PPRC1: variants seen among roughly 807,000 people sequenced by gnomAD.
The protein encoded by PPRC1 is peroxisome proliferator-activated receptor gamma coactivator-related protein 1.
A neutral mutation model predicts 132.5 loss-of-function variants in PPRC1; 23 were observed. The observed-to-expected ratio is 0.17, with a 90% CI of 0.12 to 0.25. The LOEUF (loss-of-function observed/expected upper bound fraction) is 0.25, where lower values mean the gene tolerates loss of function less well. PPRC1 is among the 10% of genes least tolerant of loss of function. The pLI is 1.00. For missense variants in PPRC1, 2,006 were observed against 2,089.1 expected, an observed-to-expected ratio of 0.96 and a Z score of 0.78; for synonymous variants, 872 against 833.5, an observed-to-expected ratio of 1.05 and a Z score of -0.80.
chr10:102,148,633 G>A lies in PPRC1; in HGVS notation c.4556G>A (p.Ser1519Asn). ...ATGACACCCTCTTTTGTCAGGTACA[G>A]CTCTTATCGTTCACATGACCATTAC... ...RRRSDRRRRY[S>N]SYRSHDHYQR... Residue 1519 changes from serine (S) to asparagine (N), a missense_variant, in exon 11 of 14, where the codon AGC (serine) becomes AAC (asparagine). Physicochemically the swap from Ser to Asn is conservative, Grantham distance 46 (BLOSUM62 1). Coordinates refer to ENST00000278070, the MANE Select transcript of PPRC1 (RefSeq NM_015062.5). This position sits in a 1 kb window ranked among gnomAD's most constrained non-coding sequence, Gnocchi z 4.2. The A allele has an allele frequency of 6.2e-7, 1 of 1,614,152 alleles. No individual in the cohort carries two copies. The highest frequency in any genetic ancestry group is 8.5e-7 in the Non-Finnish European group (1 of 1,180,022).
intron 5 of PPRC1, 106 bp from the exon 6 acceptor site, chr10:102,142,939 C>T: frequency 1.0e-6 from 1 of 956,562 alleles, no homozygotes; most frequent in Non-Finnish European, 1.6e-6. Flanking sequence ...GTACAGAGGG[C>T]AGGGGGAGTG....
chr10:102,137,492 T>G (rs1391142574), intron 1 of PPRC1, among the ~76,000 whole-genome samples: 1 of 152,204 alleles, frequency 6.6e-6, no homozygotes, highest in Non-Finnish European at 1.5e-5. Flanking sequence ...GTCTCCTTGC[T>G]GACCTCTTTT....
At chr10:102,137,102 G>A (rs2068753493) in intron 1 of PPRC1, among the ~76,000 whole-genome samples, 1 of 152,204 alleles carries the variant, frequency 6.6e-6, no homozygotes, top group African/African-American at 2.4e-5. Context: ...ACTTTCAGAG[G>A]CTGAGTCGGG....
chr10:102,131,521 ATTGT>A (rs1450738020), upstream of PPRC1, among the ~76,000 whole-genome samples: 1 of 152,240 alleles, frequency 6.6e-6, no homozygotes, highest in Non-Finnish European at 1.5e-5. Context: ...AAATACATGC[ATTGT>A]TTAACTCGGC....
chr10:102,123,468 A>G, the PPRC1 span, among the ~76,000 whole-genome samples: 1 of 152,130 alleles, frequency 6.6e-6, no homozygotes, highest in Non-Finnish European at 1.5e-5. Flanking sequence ...GGATGGGTGT[A>G]AGTGCCCAGT....
intron 12 of PPRC1, 81 bp downstream of exon 12, chr10:102,149,019 C>G: frequency 6.3e-7 from 1 of 1,576,240 alleles, no homozygotes; most frequent in Non-Finnish European, 8.6e-7. Flanking sequence ...CCTCCTTGCT[C>G]TGGTGTGCTG....
the PPRC1 span, chr10:102,120,347 GGT>G: frequency 1.0e-6 from 1 of 984,362 alleles, no homozygotes; most frequent in Non-Finnish European, 1.2e-6. Flanking sequence ...TGTGCGCGCG[GGT>G]GTGAGTCCGC....
At chr10:102,123,186 GT>G in the PPRC1 span, among the ~76,000 whole-genome samples, 1 of 152,218 alleles carries the variant, frequency 6.6e-6, no homozygotes, top group East Asian at 1.9e-4. Context: ...AGGCAAGTTA[GT>G]TAACTTTGCC....
chr10:102,123,536 CT>C, the PPRC1 span, among the ~76,000 whole-genome samples: 200 of 148,902 alleles, frequency 1.3e-3, no homozygotes, highest in African/African-American at 4.1e-3. Flanking sequence ...TAAAATTAAC[CT>C]TTTTTTTTTA....
chr10:102,139,704 A>T lies in PPRC1; in HGVS notation c.1196A>T (p.Glu399Val), dbSNP rs1274860736. Residue 399 changes from glutamate (E) to valine (V), a missense_variant, in exon 5 of 14, where the codon GAG becomes GTG. By Grantham distance (121) the Glu-to-Val change is moderately radical. This residue lies in a region of PPRC1 where 1,914 missense variants were observed against 1,917.2 expected (regional missense o/e 1.00). Transcript: ENST00000278070. ...ATGCCTACACTGGAGTCAGAGACAG[A>T]GGCTGCTGTGCCCAAGGTAACCCTC... The part of the protein sequence containing the change: ...LLMPTLESET[E>V]AAVPKVTLCS... 11 of 1,613,972 alleles carry T rather than the reference A, an allele frequency of 6.8e-6. No homozygotes were observed. The highest frequency in any genetic ancestry group is 9.3e-6 in the Non-Finnish European group (11 of 1,180,048).
At position 102,140,159 on chromosome 10, in the gene PPRC1, A is replaced by G. The variant is rs1224090929; in HGVS notation, c.1651A>G (p.Lys551Glu). The G allele has an allele frequency of 6.2e-7, 1 of 1,614,228 alleles. No homozygotes were observed. The highest frequency in any genetic ancestry group is 8.5e-7 in the Non-Finnish European group (1 of 1,180,034). The change falls in exon 5 of 14, where the codon AAA becomes GAA. Residue 551 changes from lysine (K) to glutamate (E), a missense_variant. By Grantham distance (56) the Lys-to-Glu change is moderately conservative. Around this residue, in one of 2 missense-constraint regions of PPRC1, gnomAD observed 1,914 missense variants for 1,917.2 expected, o/e 1.00. Transcript: ENST00000278070. The stretch of plus-strand genomic sequence containing the variant: ...AAGTGCTGGACAAAGTAGTCCTGCT[A>G]AAGAAGGCCCTCTAGACCTCTACCC... ...ERSAGQSSPA[K>E]EGPLDLYPKL...
chr10:102,138,799 A>G (rs2068820341), intron 3 of PPRC1, 34 bp downstream of exon 3: 2 of 1,613,784 alleles, frequency 1.2e-6, no homozygotes, highest in Non-Finnish European at 1.7e-6. Flanking sequence ...GGATTAGTAC[A>G]AAGTTTAGAC....
intron 6 of PPRC1, 69 bp downstream of exon 6, chr10:102,143,167 G>C: frequency 6.8e-7 from 1 of 1,476,268 alleles, no homozygotes; most frequent in Admixed American, 1.7e-5. Context: ...CAGCCCTGTA[G>C]TTGCTTAAAC....
At chr10:102,146,599 G>C in intron 8 of PPRC1, 73 bp from the exon 9 acceptor site, 1 of 1,506,402 alleles carries the variant, frequency 6.6e-7, no homozygotes, top group Non-Finnish European at 8.8e-7. Flanking sequence ...GTCTCTGGAG[G>C]CTATATACAC....
At chr10:102,126,490 G>T in the PPRC1 span, among the ~76,000 whole-genome samples, 4 of 137,704 alleles carry the variant, frequency 2.9e-5, no homozygotes, top group African/African-American at 1.1e-4. Flanking sequence ...ATGGAGTCTT[G>T]CTCTGTTGCC....
At chr10:102,145,215 T>A in intron 8 of PPRC1, 125 bp downstream of exon 8, 1 of 907,452 alleles carries the variant, frequency 1.1e-6, no homozygotes, top group Non-Finnish European at 1.7e-6. Flanking sequence ...CTTGAGATAC[T>A]CACAGTCTAG....
At chr10:102,144,810 C>T in intron 7 of PPRC1, 1 of 561,358 alleles carries the variant, frequency 1.8e-6, no homozygotes, top group Non-Finnish European at 3.2e-6. Context: ...TCATGGCCAG[C>T]CTGCCTCTTG....
At chr10:102,149,796 A>G (rs888083263) in intron 13 of PPRC1, 130 bp from the exon 14 acceptor site, 3 of 736,564 alleles carry the variant, frequency 4.1e-6, no homozygotes, top group South Asian at 3.2e-5. Context: ...GGACTCTCCT[A>G]TCTCTTTGAC....
Position 102,146,564 on chromosome 10 carries a change from G to A in PPRC1, c.3680-108G>A, listed in dbSNP as rs914817920. ...AAAGTTGGGCTGCTTACCTTGCTTGGTGTACTTTGTGAGATGAGGTGGGGG... is the reference window on the plus strand; with the variant it reads ...AAAGTTGGGCTGCTTACCTTGCTTGATGTACTTTGTGAGATGAGGTGGGGG... On this transcript the variant is annotated intron_variant, in intron 8 of 13. Transcript: ENST00000278070. The A allele has an allele frequency of 2.8e-6, 4 of 1,435,586 alleles. No individual in the cohort carries two copies. The Admixed American group carries it at 6.9e-5, about 25-fold the overall frequency. The allele number at this position is 1,435,586 out of a possible 1,614,324, so 88.9% of individuals were successfully genotyped here.
Sources: allele counts gnomAD v4.1 joint callset (sites outside exome capture counted in the v4.1 genomes callset), GRCh38; gene constraint gnomAD v4.1.1; regional missense constraint gnomAD v4.1.1; non-coding constraint Gnocchi (gnomAD v3.1); transcripts MANE v1.5; gene names NCBI Gene and HGNC (gene_info 2026-07-23, HGNC 2026-07-21).